The following IFT80 variants were observed in gnomAD, a reference collection of about 807,000 sequenced individuals.
The protein encoded by IFT80 is intraflagellar transport 80.
IFT80 carries 79 observed loss-of-function variants against 107.9 expected under a neutral mutation model. The observed-to-expected ratio is 0.73, with a 90% CI of 0.61 to 0.88. The LOEUF is 0.88. Ranked by LOEUF, IFT80 falls within the 40% of genes least tolerant of loss-of-function variation. The pLI is 0.00. For missense variants in IFT80, 797 were observed against 914.2 expected, an observed-to-expected ratio of 0.87 and a Z score of 1.65; for synonymous variants, 299 against 300.9, an observed-to-expected ratio of 0.99 and a Z score of 0.07.
At chr3:160,374,276 C>T (rs191526453) in intron 5 of IFT80, among the ~76,000 whole-genome samples, 77 of 142,760 alleles carry the variant, frequency 5.4e-4, no homozygotes, top group African/African-American at 2.0e-3. Flanking sequence ...AAAATCCCGG[C>T]TCTACACATG....
At chr3:160,282,387 T>G (rs1175175186) in intron 14 of IFT80, 91 bp downstream of exon 14, 1 of 950,762 alleles carries the variant, frequency 1.1e-6, no homozygotes, top group East Asian at 2.7e-5. Flanking sequence ...ATCAAAACAT[T>G]AAAACATTTC....
intron 8 of IFT80, among the ~76,000 whole-genome samples, chr3:160,353,938 T>C (rs959742442): frequency 2.0e-5 from 3 of 152,186 alleles, no homozygotes; most frequent in East Asian, 1.9e-4. Flanking sequence ...CTTTAATATG[T>C]TTTTAAAATT....
At chr3:160,326,157 A>T (rs1718661468) in intron 8 of IFT80, among the ~76,000 whole-genome samples, 1 of 152,128 alleles carries the variant, frequency 6.6e-6, no homozygotes, top group African/African-American at 2.4e-5. Flanking sequence ...AAGATTAAGA[A>T]ATAAATTAAA....
intron 8 of IFT80, among the ~76,000 whole-genome samples, chr3:160,321,422 G>C (rs922637790): frequency 5.3e-5 from 8 of 151,796 alleles, no homozygotes; most frequent in African/African-American, 1.9e-4. Flanking sequence ...CTATCCTCAT[G>C]GTGTAGAAGA....
intron 19 of IFT80, among the ~76,000 whole-genome samples, chr3:160,262,812 A>G (rs1340463243): frequency 6.6e-6 from 1 of 152,136 alleles, no homozygotes; most frequent in Admixed American, 6.5e-5. Context: ...GGGGTGTCAT[A>G]TTTTGGTTTC....
chr3:160,309,174 A>T (rs765271421), intron 9 of IFT80, among the ~76,000 whole-genome samples: 1 of 152,200 alleles, frequency 6.6e-6, no homozygotes, highest in Non-Finnish European at 1.5e-5. Context: ...CAGCAATCTC[A>T]TTTCTAGAGT....
At chr3:160,383,724 T>C in intron 2 of IFT80, 3 of 985,362 alleles carry the variant, frequency 3.0e-6, no homozygotes, top group Non-Finnish European at 3.6e-6. Context: ...TAGTGGGGCC[T>C]GTCATATCTC....
chr3:160,358,315 C>A (rs1057485196), intron 6 of IFT80, among the ~76,000 whole-genome samples: 5 of 150,784 alleles, frequency 3.3e-5, no homozygotes, highest in Admixed American at 1.3e-4. Flanking sequence ...GTTCAGCCCC[C>A]CTCAACCATT....
At chr3:160,270,587 GA>G (rs560276102) in intron 18 of IFT80, among the ~76,000 whole-genome samples, 5 of 148,462 alleles carry the variant, frequency 3.4e-5, no homozygotes, top group African/African-American at 7.4e-5. Flanking sequence ...ACGTCTTTCA[GA>G]AAAAAAAACA....
rs762163693 is a variant in IFT80 at position 160,282,619 on chromosome 3, A to AT, written c.1381-7dup. The AT allele has an allele frequency of 3.4e-5, 52 of 1,543,758 alleles. No individual in the cohort carries two copies. Among genetic ancestry groups the AT allele is most frequent in the Non-Finnish European group, 4.0e-5 (45 of 1,120,180 alleles). ...GCAATTTCCAAGATTTCATTCTAAA[A>AT]TTTTTTTTAAATGTAAATACTGGGT... On this transcript the variant is annotated splice_region_variant and splice_polypyrimidine_tract_variant and intron_variant, in intron 13 of 19. Transcript: ENST00000326448.
rs149768958 is a variant in IFT80, at chr3:160,296,991, A to G, written c.1315+3892T>C. 1.3e-3 allele frequency among the ~76,000 whole-genome samples: 204 copies of G among 152,212 alleles called. 1 individual carries two copies. Among genetic ancestry groups the G allele is most frequent in the African/African-American group, 4.5e-3 (187 of 41,546 alleles). On this transcript the variant is annotated intron_variant, in intron 12 of 19. Transcript: ENST00000326448. ...TGTTCTTTGCTGCCTTTTTACTATA[A>G]ATACTTTCCCCTGTATCATTTAATT...
At chr3:160,266,757 A>T (rs1487450428) in intron 19 of IFT80, among the ~76,000 whole-genome samples, 2 of 152,216 alleles carry the variant, frequency 1.3e-5, no homozygotes. Context: ...AGGAGGAAAA[A>T]GCAGAGTAGT....
intron 9 of IFT80, among the ~76,000 whole-genome samples, chr3:160,318,636 TC>T: frequency 6.6e-6 from 1 of 152,150 alleles, no homozygotes; most frequent in Non-Finnish European, 1.5e-5. Context: ...AAAACATTTC[TC>T]CCCACTTCCC....
chr3:160,339,913 G>A (rs1392641861), intron 8 of IFT80, among the ~76,000 whole-genome samples: 4 of 152,200 alleles, frequency 2.6e-5, no homozygotes. Flanking sequence ...TTGAAAAAGT[G>A]TGAGACTGAC....
chr3:160,364,794 C>T (rs190796815), intron 6 of IFT80, among the ~76,000 whole-genome samples: 114 of 151,970 alleles, frequency 7.5e-4, no homozygotes, highest in Admixed American at 5.3e-3. Flanking sequence ...TAGGTGGGAA[C>T]TGAACAATAA....
chr3:160,380,685 T>C (rs1712411432), intron 3 of IFT80, among the ~76,000 whole-genome samples: 1 of 151,100 alleles, frequency 6.6e-6, no homozygotes, highest in East Asian at 1.9e-4. Context: ...AAAACAAATA[T>C]AAAAACATAC....
chr3:160,324,828 G>T (rs1194640460), intron 8 of IFT80, among the ~76,000 whole-genome samples: 1 of 151,636 alleles, frequency 6.6e-6, no homozygotes, highest in African/African-American at 2.4e-5. Flanking sequence ...TAGGAAAAGA[G>T]GAAGTCAAAT....
chr3:160,300,743 A>G (rs187348654), intron 12 of IFT80, 140 bp downstream of exon 12: 9 of 680,146 alleles, frequency 1.3e-5, no homozygotes, highest in African/African-American at 1.1e-4. Flanking sequence ...TCATGTTTTG[A>G]AAACAAAATA....
intron 9 of IFT80, among the ~76,000 whole-genome samples, chr3:160,308,098 G>A (rs568909859): frequency 6.6e-6 from 1 of 152,240 alleles, no homozygotes; most frequent in South Asian, 2.1e-4. Flanking sequence ...ATAGTCAAAG[G>A]AGGGTGGCAT....
Sources: gnomAD v4.1 joint callset for allele counts (sites outside exome capture counted in the v4.1 genomes callset) on GRCh38, gnomAD v4.1.1 for gene constraint, MANE v1.5 for transcripts, NCBI Gene and HGNC (gene_info 2026-07-23, HGNC 2026-07-21) for gene names.